Variants in GRID2 observed in about 807,000 individuals in gnomAD.
GRID2 encodes glutamate receptor ionotropic, delta-2.
A neutral mutation model predicts 114.8 loss-of-function variants in GRID2; 33 were observed. The observed-to-expected ratio is 0.29, with a 90% confidence interval of 0.22 to 0.38. The LOEUF is 0.38. Ranked by LOEUF, GRID2 falls within the 10% of genes least tolerant of loss-of-function variation. GRID2 has a pLI of 1.00. For missense variants in GRID2, 1,184 were observed against 1,257.7 expected (o/e 0.94, Z 0.89); for synonymous variants, 505 against 449.9 (o/e 1.12, Z -1.55).
intron 9 of GRID2, among the ~76,000 whole-genome samples, chr4:93,413,638 G>T (rs1016893330): frequency 2.0e-5 from 3 of 152,070 alleles, no homozygotes; most frequent in African/African-American, 7.2e-5. Context: ...TTCCCCAAAG[G>T]TATGTTAAGA....
At chr4:92,400,903 A>G (rs1377846705) in intron 1 of GRID2, among the ~76,000 whole-genome samples, 2 of 152,172 alleles carry the variant, frequency 1.3e-5, no homozygotes, top group African/African-American at 4.8e-5. Flanking sequence ...CTTTCTTGGA[A>G]AAATATCTAC....
intron 14 of GRID2, among the ~76,000 whole-genome samples, chr4:93,692,081 T>A (rs895557682): frequency 1.3e-5 from 2 of 151,950 alleles, no homozygotes; most frequent in Non-Finnish European, 2.9e-5. Context: ...CTTACCTACA[T>A]AGAACATGTA....
intron 2 of GRID2, among the ~76,000 whole-genome samples, chr4:93,017,631 C>G (rs966951596): frequency 6.6e-6 from 1 of 151,400 alleles, no homozygotes; most frequent in East Asian, 1.9e-4. Flanking sequence ...CACAATGAAG[C>G]CCTGTGTCTA....
At chr4:93,367,580 A>G (rs183551340) in intron 8 of GRID2, among the ~76,000 whole-genome samples, 1 of 152,308 alleles carries the variant, frequency 6.6e-6, no homozygotes, top group East Asian at 1.9e-4. Context: ...ATACAGAGGA[A>G]ATTGTGCCAG....
intron 8 of GRID2, among the ~76,000 whole-genome samples, chr4:93,264,850 T>C (rs1299891948): frequency 6.6e-6 from 1 of 150,924 alleles, no homozygotes; most frequent in Admixed American, 6.6e-5. Context: ...TGGCACAATC[T>C]CAGCTCACTG....
At chr4:92,551,468 T>G (rs1449716727) in intron 1 of GRID2, among the ~76,000 whole-genome samples, 1 of 152,144 alleles carries the variant, frequency 6.6e-6, no homozygotes, top group Non-Finnish European at 1.5e-5. Flanking sequence ...AAAACTAACT[T>G]TATCATCTAT....
intron 14 of GRID2, among the ~76,000 whole-genome samples, chr4:93,650,392 T>G (rs1348697642): frequency 6.6e-6 from 1 of 152,066 alleles, no homozygotes; most frequent in Non-Finnish European, 1.5e-5. Context: ...TTTTTTAAAA[T>G]ACCTCAATGA....
chr4:93,186,370 G>A (rs958885259), intron 4 of GRID2, among the ~76,000 whole-genome samples: 13 of 152,146 alleles, frequency 8.5e-5, no homozygotes, highest in Non-Finnish European at 1.5e-4. Context: ...TAGTGTAAAA[G>A]CGTTCCTATT....
intron 14 of GRID2, among the ~76,000 whole-genome samples, chr4:93,743,258 T>C (rs1336395586): frequency 2.0e-5 from 3 of 152,142 alleles, no homozygotes; most frequent in East Asian, 3.9e-4. Context: ...TATCAGAGAT[T>C]GGTTCATAAA....
intron 4 of GRID2, among the ~76,000 whole-genome samples, chr4:93,195,109 C>A (rs539070710): frequency 5.6e-4 from 85 of 152,186 alleles, no homozygotes; most frequent in African/African-American, 2.0e-3. Flanking sequence ...CTACTTCTTA[C>A]AAGTATCTTT....
intron 1 of GRID2, among the ~76,000 whole-genome samples, chr4:92,307,236 A>G (rs530339581): frequency 1.1e-4 from 16 of 152,088 alleles, no homozygotes; most frequent in African/African-American, 7.2e-5. Flanking sequence ...TTAAATATTT[A>G]ATGTGAGAAA....
At chr4:92,340,478 A>G (rs1168197914) in intron 1 of GRID2, among the ~76,000 whole-genome samples, 1 of 152,112 alleles carries the variant, frequency 6.6e-6, no homozygotes, top group Non-Finnish European at 1.5e-5. Flanking sequence ...CCACTCTCAG[A>G]TGTGCTTCCT....
At chr4:93,654,590 C>T (rs1468561752) in intron 14 of GRID2, among the ~76,000 whole-genome samples, 2 of 151,910 alleles carry the variant, frequency 1.3e-5, no homozygotes, top group Non-Finnish European at 2.9e-5. Context: ...TTATGTAGTA[C>T]CAGAATATTG....
chr4:92,727,801 A>T (rs963629606), intron 2 of GRID2, among the ~76,000 whole-genome samples: 6 of 152,062 alleles, frequency 3.9e-5, no homozygotes. Flanking sequence ...TCTCCTGTTG[A>T]TTTGACAAAG....
At chr4:93,411,663 A>G (rs2149353163) in intron 9 of GRID2, among the ~76,000 whole-genome samples, 1 of 151,974 alleles carries the variant, frequency 6.6e-6, no homozygotes, top group Admixed American at 6.5e-5. Context: ...TGAACTCCTG[A>G]CCTCGTGATC....
chr4:93,475,910 A>G (rs1263736349), intron 11 of GRID2, among the ~76,000 whole-genome samples: 2 of 152,170 alleles, frequency 1.3e-5, no homozygotes, highest in Admixed American at 6.6e-5. Flanking sequence ...ACAGAGTGGC[A>G]GGTTCTGACT....
chr4:92,674,147 T>A (rs1733211397), intron 2 of GRID2, among the ~76,000 whole-genome samples: 1 of 152,290 alleles, frequency 6.6e-6, no homozygotes, highest in South Asian at 2.1e-4. Flanking sequence ...ATTGAGTTTC[T>A]TAGGCCTTCA....
chr4:92,695,703 C>T (rs986316081), intron 2 of GRID2, among the ~76,000 whole-genome samples: 3 of 152,014 alleles, frequency 2.0e-5, no homozygotes, highest in Admixed American at 2.0e-4. Flanking sequence ...TCCTCTTTTC[C>T]TATGTTCATT....
chr4:93,536,418 A>G (rs1206190701), intron 13 of GRID2, among the ~76,000 whole-genome samples: 2 of 151,824 alleles, frequency 1.3e-5, no homozygotes, highest in Non-Finnish European at 3.0e-5. Context: ...ACAGTCAACT[A>G]ATTTTTGACA....
Sources: allele counts gnomAD v4.1 joint callset (sites outside exome capture counted in the v4.1 genomes callset), GRCh38; gene constraint gnomAD v4.1.1; transcripts MANE v1.5; gene names NCBI Gene and HGNC (gene_info 2026-07-23, HGNC 2026-07-21).